Variants in VWA5B1 observed in about 807,000 individuals in gnomAD.
The protein encoded by VWA5B1 is von Willebrand factor A domain containing 5B1, also known as von Willebrand factor A domain-containing protein 5B1.
In VWA5B1, 115 loss-of-function variants were observed where a neutral mutation model predicts 118.2. The ratio of observed to expected loss-of-function variants is 0.97; its 90% CI spans 0.84 to 1.14. VWA5B1 has a LOEUF of 1.14. VWA5B1 is among the 50% of genes most tolerant of loss of function. VWA5B1 has a pLI of 0.00. For missense variants in VWA5B1, 1,596 were observed against 1,603.8 expected, an observed-to-expected ratio of 1.00 and a Z score of 0.08; for synonymous variants, 682 against 658.4, an observed-to-expected ratio of 1.04 and a Z score of -0.55.
At chr1:20,345,275 T>C (rs567697917) in intron 16 of VWA5B1, among the ~76,000 whole-genome samples, 181 bp from the exon 17 acceptor site, 26 of 152,326 alleles carry the variant, frequency 1.7e-4, no homozygotes, top group South Asian at 6.2e-4. Flanking sequence ...TGACGTGAAA[T>C]GATGGTGTTG....
chr1:20,335,136 A>G (rs1428356802), intron 12 of VWA5B1, among the ~76,000 whole-genome samples: 1 of 152,106 alleles, frequency 6.6e-6, no homozygotes, highest in African/African-American at 2.4e-5. Context: ...TAGTGAGACC[A>G]CTTCTCTACA....
At chr1:20,318,182 G>A (rs1015787750) in intron 5 of VWA5B1, among the ~76,000 whole-genome samples, 2 of 151,730 alleles carry the variant, frequency 1.3e-5, no homozygotes, top group African/African-American at 4.8e-5. Flanking sequence ...AAGGACACTA[G>A]GATATGGTTT....
At chr1:20,350,636 G>A (rs974558195) in intron 19 of VWA5B1, among the ~76,000 whole-genome samples, 1 of 152,178 alleles carries the variant, frequency 6.6e-6, no homozygotes, top group Non-Finnish European at 1.5e-5. Flanking sequence ...AGGGGCTGCC[G>A]GCCAAGGAAT....
rs149976453 is a variant in VWA5B1 at position 20,357,348 on chromosome 1, A to G, written c.*3085A>G. ...TCCTCACTTAGATGAGACGTGAATA[A>G]GCAACCTATGAGAAACTGTGCTATG... On this transcript the variant is annotated 3_prime_UTR_variant, in exon 22 of 22. Transcript: ENST00000289815. Among the ~76,000 whole-genome samples, 53 of 152,336 alleles carry G rather than the reference A, an allele frequency of 3.5e-4. No individual in the cohort carries two copies. Among genetic ancestry groups the G allele is most frequent in the African/African-American group, 1.3e-3 (53 of 41,576 alleles).
intron 1 of VWA5B1, among the ~76,000 whole-genome samples, chr1:20,292,187 C>G (rs58378800): frequency 1.3e-5 from 2 of 151,294 alleles, no homozygotes; most frequent in Admixed American, 6.6e-5. Flanking sequence ...CTCCTGTCCT[C>G]CCTTACCTCC....
chr1:20,292,762 G>A (rs2088335884), intron 1 of VWA5B1, among the ~76,000 whole-genome samples: 1 of 152,180 alleles, frequency 6.6e-6, no homozygotes, highest in Non-Finnish European at 1.5e-5. Flanking sequence ...ACCCAGCCTT[G>A]GCTGGCATCT....
intron 18 of VWA5B1, among the ~76,000 whole-genome samples, 197 bp from the exon 19 acceptor site, chr1:20,349,959 C>T (rs1312004163): frequency 6.6e-6 from 1 of 151,996 alleles, no homozygotes. Context: ...GGATTTGAAC[C>T]CAGGCCTGTC....
At chr1:20,297,632 T>G (rs2088430755) in intron 1 of VWA5B1, among the ~76,000 whole-genome samples, 2 of 152,266 alleles carry the variant, frequency 1.3e-5, no homozygotes, top group South Asian at 4.1e-4. Flanking sequence ...CAGGTCATCT[T>G]GGGTTGAGTC....
chr1:20,294,157 T>G (rs143244208), intron 1 of VWA5B1: 3,748 of 152,244 alleles, frequency 0.025, 84 homozygotes, highest in Non-Finnish European at 0.033. Flanking sequence ...CCCAAGCTTA[T>G]GCAAAATAAC....
In VWA5B1 at chr1:20,352,037, C is replaced by T; in HGVS notation, c.3024-18C>T. 1 of 1,545,726 alleles carries T rather than the reference C, an allele frequency of 6.5e-7. No individual in the cohort carries two copies. Among genetic ancestry groups the T allele is most frequent in the Non-Finnish European group, 8.7e-7 (1 of 1,144,060 alleles). On this transcript the variant is annotated intron_variant, in intron 20 of 21. Transcript: ENST00000289815. Reference sequence around the variant, plus strand: ...TGGAGGTTGGGATGCCCAGGGCCACCTGACTTCACCTGCACAGGCTAAATC... The same window carrying T: ...TGGAGGTTGGGATGCCCAGGGCCACTTGACTTCACCTGCACAGGCTAAATC...
chr1:20,334,580 G>A (rs1330523530), intron 12 of VWA5B1, among the ~76,000 whole-genome samples: 1 of 152,176 alleles, frequency 6.6e-6, no homozygotes, highest in Non-Finnish European at 1.5e-5. Flanking sequence ...GGAGGCCGAG[G>A]CAGGTTGATC....
At chr1:20,342,314 G>A (rs1429074915) in intron 14 of VWA5B1, 118 bp from the exon 15 acceptor site, 3 of 1,062,740 alleles carry the variant, frequency 2.8e-6, no homozygotes, top group Non-Finnish European at 4.1e-6. Flanking sequence ...CTGGTGGGGT[G>A]GGGGTGGGGG....
intron 17 of VWA5B1, among the ~76,000 whole-genome samples, chr1:20,347,855 A>G (rs1483643063): frequency 6.6e-6 from 1 of 152,104 alleles, no homozygotes; most frequent in Non-Finnish European, 1.5e-5. Context: ...GGTACTTGGG[A>G]CATGGATCTC....
intron 11 of VWA5B1, among the ~76,000 whole-genome samples, chr1:20,332,297 T>C (rs1176040163): frequency 6.6e-6 from 1 of 151,950 alleles, no homozygotes; most frequent in East Asian, 1.9e-4. Context: ...CTGGCCAATT[T>C]GGTGAAACCC....
chr1:20,348,264 T>C lies in VWA5B1; in HGVS notation c.2784T>C (p.Leu928=), dbSNP rs2101010134. ...GCGAAGGAGCTGCCCTGCGTATGCTTGGCTCTCGGGCCCTGGCCCAACAGT... is the reference window on the plus strand; with the variant it reads ...GCGAAGGAGCTGCCCTGCGTATGCTCGGCTCTCGGGCCCTGGCCCAACAGT... ...YPNSGAALRM[L]GSRALAQQWR... is the part of the protein sequence containing the mutation. Residue 928 remains leucine (L), a synonymous_variant, in exon 18 of 22, where the codon CTT becomes CTC. Coordinates refer to ENST00000289815, the MANE Select transcript of VWA5B1 (RefSeq NM_001039500.3). 1 of 1,551,678 alleles carries C rather than the reference T, an allele frequency of 6.4e-7. No individual in the cohort carries two copies. The highest frequency in any genetic ancestry group is 8.7e-7 in the Non-Finnish European group (1 of 1,147,006).
Position 20,350,209 on chromosome 1 carries a change from G to A in VWA5B1, c.2932G>A (p.Glu978Lys), listed in dbSNP as rs1457452561. ...LFSEARSPGR[E>K]KHGASEGPQR... The stretch of plus-strand genomic sequence containing the variant: ...CAGCGAGGCCAGGTCCCCCGGCCGC[G>A]AGAAGCACGGTGCTTCTGAAGGTGA... The change falls in exon 19 of 22, where the codon GAG (glutamate) becomes AAG (lysine). Residue 978 changes from glutamate (E) to lysine (K), a missense_variant. By Grantham distance (56) the Glu-to-Lys change is moderately conservative. Coordinates refer to ENST00000289815, the MANE Select transcript of VWA5B1 (RefSeq NM_001039500.3). 7.7e-6 allele frequency: 12 copies of A among 1,551,012 alleles called. No homozygotes were observed. The highest frequency in any genetic ancestry group is 4.1e-5 in the African/African-American group (3 of 73,034).
chr1:20,334,651 A>C (rs927833910), intron 12 of VWA5B1, among the ~76,000 whole-genome samples: 8 of 151,994 alleles, frequency 5.3e-5, no homozygotes, highest in Admixed American at 3.9e-4. Context: ...TCTCTACTGA[A>C]AATACAAAAA....
At chr1:20,301,397 C>T (rs1210561682) in intron 1 of VWA5B1, among the ~76,000 whole-genome samples, 1 of 152,204 alleles carries the variant, frequency 6.6e-6, no homozygotes, top group Non-Finnish European at 1.5e-5. Flanking sequence ...TTTTACCCGC[C>T]CACTATACAG....
intron 13 of VWA5B1, among the ~76,000 whole-genome samples, chr1:20,337,242 C>T (rs2089743502): frequency 6.6e-6 from 1 of 152,154 alleles, no homozygotes; most frequent in African/African-American, 2.4e-5. Context: ...ATTCTCATGC[C>T]TCAGCCTCCC....
Sources: gnomAD v4.1 joint callset for allele counts (sites outside exome capture counted in the v4.1 genomes callset) on GRCh38, gnomAD v4.1.1 for gene constraint, MANE v1.5 for transcripts, NCBI Gene and HGNC (gene_info 2026-07-23, HGNC 2026-07-21) for gene names.